The following MIB2 variants were observed in gnomAD, a reference collection of about 807,000 sequenced individuals.
The protein encoded by MIB2 is MIB E3 ubiquitin protein ligase 2, also known as E3 ubiquitin-protein ligase MIB2.
Under a neutral mutation model 96.6 loss-of-function variants are expected in MIB2, and 78 were observed. The ratio of observed to expected loss-of-function variants is 0.81; its 90% confidence interval spans 0.67 to 0.97. The LOEUF (loss-of-function observed/expected upper bound fraction) is 0.97, where lower values mean the gene tolerates loss of function less well. MIB2 is among the 50% of genes least tolerant of loss of function. MIB2 has a pLI of 0.00. For missense variants in MIB2, 1,543 were observed against 1,424.0 expected (o/e 1.08, Z -1.35); for synonymous variants, 820 against 629.5 (o/e 1.30, Z -4.53).
chr1:1,613,841 A>T (rs1249040960), upstream of MIB2: 1 of 152,268 alleles, frequency 6.6e-6, no homozygotes, highest in African/African-American at 2.4e-5. Flanking sequence ...CAAGGATGAG[A>T]GCAGAGAAAA....
upstream of MIB2, chr1:1,615,447 C>CG: frequency 1.3e-6 from 2 of 1,505,582 alleles, no homozygotes; most frequent in Non-Finnish European, 1.8e-6. Flanking sequence ...ATCCCCGTGG[C>CG]GGGGGCGTGG....
At chr1:1,628,758 C>T (rs568561572) in intron 16 of MIB2, 36 bp downstream of exon 16, 6 of 1,435,916 alleles carry the variant, frequency 4.2e-6, no homozygotes, top group African/African-American at 1.4e-5. Context: ...GGAGAGGCTG[C>T]GGTGGCGCCG....
At chr1:1,629,865 C>CAGCCCCG (rs1638437882) in intron 19 of MIB2, among the ~76,000 whole-genome samples, 161 bp downstream of exon 19, 1 of 143,876 alleles carries the variant, frequency 7.0e-6, no homozygotes, top group African/African-American at 2.6e-5. Flanking sequence ...CCCCAGCCCC[C>CAGCCCCG]AGCCCCGCCT....
At position 1,627,342 on chromosome 1, in the gene MIB2, A is replaced by G. The variant is rs573446624; in HGVS notation, c.1421A>G (p.Tyr474Cys). 1.6e-5 allele frequency: 26 copies of G among 1,613,096 alleles called. No individual in the cohort carries two copies. In the East Asian group the frequency reaches 4.5e-4, roughly 28 times the overall value. Residue 474 changes from tyrosine to cysteine, a missense_variant, in exon 12 of 20, where the codon TAC becomes TGC. Tyr to Cys is a radical substitution (Grantham distance 194, BLOSUM62 -2). Coordinates refer to ENST00000355826, the MANE Select transcript of MIB2 (RefSeq NM_001170687.4). The part of the protein sequence containing the change: ...QGRTALQVAA[Y>C]LGQVELIRLL... ...AGGACCGCTCTGCAAGTGGCTGCCT[A>G]CCTGGGCCAGGTGGAGTTGATACGG...
Position 1,629,319 on chromosome 1 carries a change from C to G in MIB2, c.2381+8C>G, listed in dbSNP as rs1195754455. 1.4e-6 allele frequency: 2 copies of G among 1,476,706 alleles called. No homozygotes were observed. The highest frequency in any genetic ancestry group is 2.8e-5 in the South Asian group (2 of 72,606). The allele number at this position is 1,476,706 out of a possible 1,614,324, so 91.5% of individuals were successfully genotyped here. A position where few individuals can be genotyped will look rare whatever the true frequency, so the allele number is the denominator to read the frequency against. ...CTGCGCCCAGCGCTTCCGGTGAGTC[C>G]GTGGACGGCGGGGATGGGGTCCGGC... On this transcript the variant is annotated splice_region_variant and intron_variant, in intron 17 of 19. Transcript: ENST00000355826.
chr1:1,620,619 T>C (rs1644174855), intron 2 of MIB2, among the ~76,000 whole-genome samples: 1 of 152,242 alleles, frequency 6.6e-6, no homozygotes, highest in African/African-American at 2.4e-5. Flanking sequence ...GCCAGCAGAC[T>C]GCTGCGTCGG....
chr1:1,623,250 C>T, intron 2 of MIB2, 181 bp from the exon 3 acceptor site: 1 of 1,075,300 alleles, frequency 9.3e-7, no homozygotes, highest in Non-Finnish European at 1.3e-6. Flanking sequence ...ACCGGCCTCC[C>T]TGGTGCCAGA....
chr1:1,629,005 G>C, intron 16 of MIB2, 128 bp from the exon 17 acceptor site: 1 of 1,087,720 alleles, frequency 9.2e-7, no homozygotes, highest in African/African-American at 1.7e-5. Flanking sequence ...CTTGGGTTCC[G>C]GAAGAGGTGC....
At position 1,623,628 on chromosome 1, in the gene MIB2, G is replaced by A. The variant is rs1353177718; in HGVS notation, c.176G>A (p.Gly59Asp). ...ACAGTGGTCGTGCAGTGGGACCAGGGCACGCGCACCAACTACCGCGCCGGC... is the reference window on the plus strand; with the variant it reads ...ACAGTGGTCGTGCAGTGGGACCAGGACACGCGCACCAACTACCGCGCCGGC... ...DRTVVVQWDQGTRTNYRAGYQ... is the reference protein window; with the variant it reads ...DRTVVVQWDQDTRTNYRAGYQ... Residue 59 changes from glycine to aspartate, a missense_variant, in exon 3 of 20, where the codon GGC becomes GAC. Physicochemically the swap from Gly to Asp is moderately conservative, Grantham distance 94. Coordinates refer to ENST00000355826, the MANE Select transcript of MIB2 (RefSeq NM_001170687.4). 6.7e-7 allele frequency: 1 copy of A among 1,482,030 alleles called. No homozygotes were observed. Among genetic ancestry groups the A allele is most frequent in the Non-Finnish European group, 9.0e-7 (1 of 1,114,446 alleles). 91.8% of individuals were successfully genotyped at this position (1,482,030 alleles called of 1,614,324 possible). A position where few individuals can be genotyped will look rare whatever the true frequency, so the allele number is the denominator to read the frequency against.
rs1458912139 is a variant in MIB2 at position 1,629,788 on chromosome 1, A to G, written c.2629+84A>G. The G allele has an allele frequency of 2.1e-5, 26 of 1,222,930 alleles. No homozygotes were observed. The South Asian group carries it at 4.1e-4, about 19-fold the overall frequency. 75.8% of individuals were successfully genotyped at this position (1,222,930 alleles called of 1,614,324 possible). A position where few individuals can be genotyped will look rare whatever the true frequency, so the allele number is the denominator to read the frequency against. ...CCGTCCCCCACCCCTTCCCTCCCAC[A>G]CTTCCGCCCATGGCCCTTCCCCAGG... On this transcript the variant is annotated intron_variant, in intron 19 of 19. Transcript: ENST00000355826.
At position 1,624,972 on chromosome 1, in the gene MIB2, G is replaced by T. The variant is rs773470445; in HGVS notation, c.527-19G>T. ...CTCATGGCTCAGCCTTAGCCTGCTGGGGGGGCCTCTTTCCCCAGGAGGGGA... is the reference window on the plus strand; with the variant it reads ...CTCATGGCTCAGCCTTAGCCTGCTGTGGGGGCCTCTTTCCCCAGGAGGGGA... On this transcript the variant is annotated intron_variant, in intron 5 of 19. Coordinates refer to ENST00000355826, the MANE Select transcript of MIB2 (RefSeq NM_001170687.4). 1.2e-6 allele frequency: 2 copies of T among 1,608,590 alleles called. No individual in the cohort carries two copies. Among genetic ancestry groups the T allele is most frequent in the Non-Finnish European group, 1.7e-6 (2 of 1,177,202 alleles).
chr1:1,627,016 GC>G lies in MIB2; in HGVS notation c.1240+18del. The G allele has an allele frequency of 6.2e-7, 1 of 1,608,636 alleles. No individual in the cohort carries two copies. The highest frequency in any genetic ancestry group is 8.5e-7 in the Non-Finnish European group (1 of 1,178,160). On this transcript the variant is annotated intron_variant, in intron 10 of 19. Coordinates refer to ENST00000355826, the MANE Select transcript of MIB2 (RefSeq NM_001170687.4). ...AGAACAAAAGTGCGGCACAGCTCAGGCGGCCAGTGGGAGGTGGGGCTGCCCC... is the reference window on the plus strand; with the variant it reads ...AGAACAAAAGTGCGGCACAGCTCAGGGGCCAGTGGGAGGTGGGGCTGCCCC...
At chr1:1,624,607 T>G in intron 4 of MIB2, 188 bp from the exon 5 acceptor site, 1 of 661,782 alleles carries the variant, frequency 1.5e-6, no homozygotes, top group Non-Finnish European at 2.7e-6. Flanking sequence ...CCCAGGGGCA[T>G]TTCCTCACAG....
chr1:1,615,742 C>T (rs1462033619), intron 1 of MIB2, 109 bp downstream of exon 1: 18 of 1,471,252 alleles, frequency 1.2e-5, no homozygotes, highest in East Asian at 2.8e-5. Flanking sequence ...GCTGGCCCAG[C>T]AGCCCCGGGC....
chr1:1,623,087 C>A (rs1049996191), intron 2 of MIB2: 21 of 460,942 alleles, frequency 4.6e-5, no homozygotes, highest in Admixed American at 2.4e-4. Flanking sequence ...CAGTGTCCAG[C>A]TCATTAATTG....
Position 1,623,406 on chromosome 1 carries a change from C to T in MIB2, c.-22-25C>T, listed in dbSNP as rs764170186. On this transcript the variant is annotated intron_variant, in intron 2 of 19. Transcript: ENST00000355826. ...GCCCACAGGTCCCGAGCAGCCCGGC[C>T]CACCATGGACCCCTCTGCCCACAGG... 11 of 1,600,628 alleles carry T rather than the reference C, an allele frequency of 6.9e-6. No individual in the cohort carries two copies. The East Asian group carries it at 2.0e-4, about 30-fold the overall frequency.
Position 1,625,306 on chromosome 1 carries a change from C to T in MIB2, c.742C>T (p.Arg248Cys), listed in dbSNP as rs371875219. 3.9e-5 allele frequency: 62 copies of T among 1,584,024 alleles called. No homozygotes were observed. Among genetic ancestry groups the T allele is most frequent in the Non-Finnish European group, 5.1e-5 (60 of 1,166,754 alleles). Reference protein sequence around the residue: ...PRLGKPAELQRRVSADSQPFQ... With the variant: ...PRLGKPAELQCRVSADSQPFQ... ...CGCAGGCAAGCCGGCGGAGCTGCAG[C>T]GCAGGGTGAGTGCTGACAGCCAGCC... The change falls in exon 7 of 20, where the codon CGC becomes TGC. Residue 248 changes from arginine (R) to cysteine (C), a missense_variant. Transcript: ENST00000355826. This position sits in a 1 kb window ranked among gnomAD's most constrained non-coding sequence, Gnocchi z 5.0.
chr1:1,619,742 C>T (rs1280014456), intron 2 of MIB2, among the ~76,000 whole-genome samples: 1 of 152,152 alleles, frequency 6.6e-6, no homozygotes, highest in Non-Finnish European at 1.5e-5. Context: ...TTGGGGCAGC[C>T]CTCAGCAAGT....
chr1:1,614,210 C>T (rs1229962368), upstream of MIB2: 3 of 152,202 alleles, frequency 2.0e-5, no homozygotes, highest in Non-Finnish European at 4.4e-5. Flanking sequence ...CCACCAATCC[C>T]TAAACAAATG....
Sources: gnomAD v4.1 joint callset for allele counts (sites outside exome capture counted in the v4.1 genomes callset) on GRCh38, gnomAD v4.1.1 for gene constraint, Gnocchi (gnomAD v3.1) non-coding constraint, MANE v1.5 for transcripts, NCBI Gene and HGNC (gene_info 2026-07-23, HGNC 2026-07-21) for gene names.